Variants in WFDC1 observed in about 807,000 individuals in gnomAD.
The protein encoded by WFDC1 is WAP four-disulfide core domain protein 1.
WFDC1 carries 39 observed loss-of-function variants against 32.9 expected under a neutral mutation model. That is an observed-to-expected ratio of 1.19 (90% CI 0.92 to 1.55). WFDC1 has a LOEUF of 1.55. WFDC1 is among the 40% of genes most tolerant of loss of function. The pLI is 0.00. For missense variants in WFDC1, 386 were observed against 309.5 expected (o/e 1.25, Z -1.85); for synonymous variants, 184 against 137.4 (o/e 1.34, Z -2.37).
chr16:84,294,968 G>A lies in WFDC1; in HGVS notation c.-4G>A. 6.2e-7 allele frequency: 1 copy of A among 1,611,354 alleles called. No individual in the cohort carries two copies. The highest frequency in any genetic ancestry group is 8.5e-7 in the Non-Finnish European group (1 of 1,178,586). On this transcript the variant is annotated 5_prime_UTR_variant, in exon 1 of 7. Transcript: ENST00000219454. ...CGTCTGGAAGGTCGCTGCCCAGGGA[G>A]GAAATGCCTTTAACCGGCGTGGGGC... is the stretch of plus-strand genomic sequence containing the variant.
rs1253298047 is a variant in WFDC1 at position 84,329,758 on chromosome 16, T to C, written c.*452T>C. The C allele has an allele frequency of 6.6e-6, 1 of 152,224 alleles. No homozygotes were observed. The highest frequency in any genetic ancestry group is 1.5e-5 in the Non-Finnish European group (1 of 68,040). 9.4% of individuals were successfully genotyped at this position (152,224 alleles called of 1,614,324 possible). A position where few individuals can be genotyped will look rare whatever the true frequency, so the allele number is the denominator to read the frequency against. Reference sequence around the variant, plus strand: ...AATGAACTTGCTTACTAATGTGTGATTCCTAGTTGTAGCCACCGGATGTGC... The same window carrying C: ...AATGAACTTGCTTACTAATGTGTGACTCCTAGTTGTAGCCACCGGATGTGC... On this transcript the variant is annotated 3_prime_UTR_variant, in exon 7 of 7. Transcript: ENST00000219454.
intron 1 of WFDC1, among the ~76,000 whole-genome samples, chr16:84,298,435 T>C (rs1004123543): frequency 6.6e-6 from 1 of 152,174 alleles, no homozygotes; most frequent in African/African-American, 2.4e-5. Flanking sequence ...TTTCCAATTG[T>C]ATTGCTCCGT....
At chr16:84,326,762 T>TG (rs1908624533) in intron 5 of WFDC1, 120 bp from the exon 6 acceptor site, 1 of 1,154,836 alleles carries the variant, frequency 8.7e-7, no homozygotes, top group Admixed American at 1.8e-5. Context: ...TGACCTCAGC[T>TG]GGGGGAGGGA....
At chr16:84,308,942 C>A (rs926195972) in intron 1 of WFDC1, among the ~76,000 whole-genome samples, 2 of 152,146 alleles carry the variant, frequency 1.3e-5, no homozygotes, top group Non-Finnish European at 1.5e-5. Flanking sequence ...GGTGTAGACA[C>A]CATCCTGGGT....
At chr16:84,324,492 G>T (rs2151380287) in intron 5 of WFDC1, 32 bp downstream of exon 5, 1 of 1,601,212 alleles carries the variant, frequency 6.2e-7, no homozygotes, top group South Asian at 1.1e-5. Context: ...TCTTTCCAGA[G>T]GGCACAAAAA....
chr16:84,305,082 C>G (rs1475668503), intron 1 of WFDC1, among the ~76,000 whole-genome samples: 2 of 152,178 alleles, frequency 1.3e-5, no homozygotes, highest in African/African-American at 4.8e-5. Flanking sequence ...TTTTTTGTGC[C>G]TCAGTTTCCT....
intron 4 of WFDC1, among the ~76,000 whole-genome samples, chr16:84,321,586 A>T (rs1908306563): frequency 6.6e-6 from 1 of 152,224 alleles, no homozygotes; most frequent in Non-Finnish European, 1.5e-5. Context: ...GACCAAGGTC[A>T]AACCAAGTCA....
At chr16:84,300,905 G>A (rs1390256234) in intron 1 of WFDC1, among the ~76,000 whole-genome samples, 1 of 152,078 alleles carries the variant, frequency 6.6e-6, no homozygotes, top group Admixed American at 6.6e-5. Flanking sequence ...GGGAGGCGAG[G>A]TGGACGTTGC....
chr16:84,319,028 TTG>T (rs1179472998), intron 3 of WFDC1: 66 of 227,328 alleles, frequency 2.9e-4, no homozygotes, highest in Admixed American at 1.1e-3. Context: ...TGTGCAGGAT[TTG>T]TGTGTGGGGA....
chr16:84,328,543 C>T (rs1014678407), intron 6 of WFDC1: 1 of 152,204 alleles, frequency 6.6e-6, no homozygotes, highest in African/African-American at 2.4e-5. Context: ...CAGGAGCCGT[C>T]CCTGGAGTAG....
intron 1 of WFDC1, among the ~76,000 whole-genome samples, chr16:84,311,934 G>C (rs1269552321): frequency 6.6e-6 from 1 of 152,108 alleles, no homozygotes; most frequent in Admixed American, 6.5e-5. Context: ...GGGAGGCTGA[G>C]GCAGGCGGAT....
At chr16:84,313,589 G>GC (rs1358698740) in intron 2 of WFDC1, among the ~76,000 whole-genome samples, 2 of 152,218 alleles carry the variant, frequency 1.3e-5, no homozygotes, top group Non-Finnish European at 2.9e-5. Context: ...GCTGCCACCA[G>GC]CTGGAACCTC....
At chr16:84,317,626 A>G (rs1908039478) in intron 2 of WFDC1, 1 of 152,806 alleles carries the variant, frequency 6.5e-6, no homozygotes, top group South Asian at 2.1e-4. Context: ...CTGTACACCA[A>G]ACTTCACCCA....
At chr16:84,296,322 G>T (rs181949899) in intron 1 of WFDC1, among the ~76,000 whole-genome samples, 2 of 152,340 alleles carry the variant, frequency 1.3e-5, no homozygotes, top group African/African-American at 2.4e-5. Flanking sequence ...GTTCCTTGGG[G>T]TAGGGCAGGG....
At chr16:84,325,499 G>T (rs1908538500) in intron 5 of WFDC1, among the ~76,000 whole-genome samples, 1 of 150,776 alleles carries the variant, frequency 6.6e-6, no homozygotes, top group Admixed American at 6.6e-5. Flanking sequence ...CACTGTGCCT[G>T]GCCCCATCCA....
intron 1 of WFDC1, among the ~76,000 whole-genome samples, chr16:84,300,257 G>A (rs2151366007): frequency 6.6e-6 from 1 of 152,348 alleles, no homozygotes; most frequent in South Asian, 2.1e-4. Context: ...ACACCTGTAG[G>A]AGCAAATGGA....
Position 84,326,956 on chromosome 16 carries a change from G to A in WFDC1, c.*15+1G>A. On this transcript the variant is annotated splice_donor_variant, in intron 6 of 6. Transcript: ENST00000219454. LOFTEE classifies it low-confidence loss of function (3UTR_SPLICE). ...CTTTCAGTAAAGCAACGGCAAGCAGGTGAGTGGGCAGAGAGCAAGAGTCAT... is the reference window on the plus strand; with the variant it reads ...CTTTCAGTAAAGCAACGGCAAGCAGATGAGTGGGCAGAGAGCAAGAGTCAT... The A allele has an allele frequency of 6.2e-7, 1 of 1,614,082 alleles. No homozygotes were observed. The highest frequency in any genetic ancestry group is 8.5e-7 in the Non-Finnish European group (1 of 1,179,994).
intron 1 of WFDC1, among the ~76,000 whole-genome samples, chr16:84,296,381 C>T (rs1443139323): frequency 2.0e-5 from 3 of 152,190 alleles, no homozygotes; most frequent in African/African-American, 7.2e-5. Context: ...AAGTTGACGC[C>T]TGGTACATTC....
At chr16:84,301,455 G>C (rs1299787649) in intron 1 of WFDC1, among the ~76,000 whole-genome samples, 1 of 152,176 alleles carries the variant, frequency 6.6e-6, no homozygotes, top group Admixed American at 6.5e-5. Flanking sequence ...CCCAGAGTCT[G>C]GGAGCTTTGT....
Sources: allele counts gnomAD v4.1 joint callset (sites outside exome capture counted in the v4.1 genomes callset), GRCh38; gene constraint gnomAD v4.1.1; transcripts MANE v1.5; gene names NCBI Gene and HGNC (gene_info 2026-07-23, HGNC 2026-07-21).